The following AEBP2 variants were observed in gnomAD, a reference collection of about 807,000 sequenced individuals.
The protein encoded by AEBP2 is zinc finger protein AEBP2.
In AEBP2, 10 loss-of-function variants were observed where a neutral mutation model predicts 50.8. The ratio of observed to expected loss-of-function variants is 0.20; its 90% CI spans 0.12 to 0.33. AEBP2 has a LOEUF of 0.33. Ranked by LOEUF, AEBP2 falls within the 10% of genes least tolerant of loss-of-function variation. The probability of loss-of-function intolerance (pLI) is 1.00; values close to 1 mark genes in which losing one functional copy is unlikely to be tolerated. For missense variants in AEBP2, 570 were observed against 688.0 expected, an observed-to-expected ratio of 0.83 and a Z score of 1.92; for synonymous variants, 296 against 261.3, an observed-to-expected ratio of 1.13 and a Z score of -1.28.
chr12:19,497,575 C>G (rs1592769890), intron 4 of AEBP2, among the ~76,000 whole-genome samples: 1 of 151,998 alleles, frequency 6.6e-6, no homozygotes, highest in African/African-American at 2.4e-5. Context: ...CAGGTGCAAT[C>G]AATTCCCGTG....
Position 19,494,581 on chromosome 12 carries a change from G to T in AEBP2, c.1174+595G>T, listed in dbSNP as rs542815175. On this transcript the variant is annotated intron_variant, in intron 4 of 7. Transcript: ENST00000266508. ...CAATGGCGTGAGACAGGGTTTCACT[G>T]TGTTGGACGGGCTGGTCTCAAACTC... Among the ~76,000 whole-genome samples, 12 of 143,846 alleles carry T rather than the reference G, an allele frequency of 8.3e-5. No individual in the cohort carries two copies. The South Asian group carries it at 2.6e-3, about 31-fold the overall frequency. 94.4% of individuals were successfully genotyped at this position (143,846 alleles called of 152,430 possible). A position where few individuals can be genotyped will look rare whatever the true frequency, so the allele number is the denominator to read the frequency against.
In AEBP2 at chr12:19,483,681, A is replaced by T. The variant is rs544905841; in HGVS notation, c.988-10119A>T. Among the ~76,000 whole-genome samples, 193 of 152,282 alleles carry T rather than the reference A, an allele frequency of 1.3e-3. 2 individuals carry two copies. Among genetic ancestry groups the T allele is most frequent in the African/African-American group, 4.4e-3 (183 of 41,564 alleles). On this transcript the variant is annotated intron_variant, in intron 3 of 7. Transcript: ENST00000266508. ...TGCTGGGATCTTTTCATATCAGTTC[A>T]TAGTGAATAGTCTCATTTTTTCAGC...
At chr12:19,437,577 A>T (rs1476930620), upstream of AEBP2, among the ~76,000 whole-genome samples, 2 of 152,132 alleles carry the variant, frequency 1.3e-5, no homozygotes, top group Non-Finnish European at 2.9e-5. Flanking sequence ...TCCTGGGCTC[A>T]AGTGAGCCTC....
chr12:19,465,001 T>A (rs183304322), intron 2 of AEBP2, among the ~76,000 whole-genome samples: 15 of 152,254 alleles, frequency 9.9e-5, no homozygotes, highest in African/African-American at 2.9e-4. Context: ...GTCCCGTAAG[T>A]GTAATATTGA....
At chr12:19,489,865 C>A (rs1034987096) in intron 3 of AEBP2, among the ~76,000 whole-genome samples, 1 of 141,836 alleles carries the variant, frequency 7.1e-6, no homozygotes, top group Non-Finnish European at 1.5e-5. Context: ...CTAAATTTTA[C>A]TTCTGTTTTT....
Position 19,423,064 on chromosome 12 carries a change from C to CAAAAAAAAAAAAAAAAAAAAAAA in AEBP2, c.-17+18856_-17+18878dup, listed in dbSNP as rs751550689. On this transcript the variant is annotated intron_variant, in intron 1 of 3. Coordinates refer to the AEBP2 transcript ENST00000538425. Reference sequence around the variant, plus strand: ...TGGGTGACAGAGTGAGACTCTGTCTCAAAAAAAAAAAAAAAAAAAAAAAAA... The same window carrying CAAAAAAAAAAAAAAAAAAAAAAA: ...TGGGTGACAGAGTGAGACTCTGTCTCAAAAAAAAAAAAAAAAAAAAAAAAAAAAAAAAAAAAAAAAAAAAAAAA... Among the ~76,000 whole-genome samples the CAAAAAAAAAAAAAAAAAAAAAAA allele has an allele frequency of 8.6e-5, 3 of 35,036 alleles. 1 individual carries two copies. The highest frequency in any genetic ancestry group is 1.3e-4 in the Non-Finnish European group (3 of 23,414). The allele number at this position is 35,036 out of a possible 152,430, so 23.0% of individuals were successfully genotyped here.
At chr12:19,428,393 GC>G (rs1473942284) in intron 1 of AEBP2, among the ~76,000 whole-genome samples, 1 of 152,230 alleles carries the variant, frequency 6.6e-6, no homozygotes, top group Non-Finnish European at 1.5e-5. Context: ...GTGATGGTAT[GC>G]ATGGCTGAGG....
intron 3 of AEBP2, among the ~76,000 whole-genome samples, chr12:19,485,917 G>A (rs1307988289): frequency 1.4e-5 from 2 of 146,882 alleles, no homozygotes; most frequent in African/African-American, 5.0e-5. Context: ...GAGAGAGGAA[G>A]TGATAAGGTG....
At chr12:19,411,400 C>G (rs1359204977) in intron 1 of AEBP2, among the ~76,000 whole-genome samples, 1 of 152,116 alleles carries the variant, frequency 6.6e-6, no homozygotes, top group African/African-American at 2.4e-5. Context: ...ATGGGGAGAC[C>G]CAGCCTTGCC....
At chr12:19,420,512 CTAG>C (rs2042012330) in intron 1 of AEBP2, among the ~76,000 whole-genome samples, 1 of 150,064 alleles carries the variant, frequency 6.7e-6, no homozygotes, top group African/African-American at 2.5e-5. Context: ...TTTTCTATTT[CTAG>C]TAGAGACAGG....
chr12:19,454,943 T>C (rs1948240871), intron 1 of AEBP2, among the ~76,000 whole-genome samples: 2 of 152,098 alleles, frequency 1.3e-5, no homozygotes, highest in South Asian at 4.1e-4. Context: ...AGTATTCCCG[T>C]TTAGAAACAT....
rs577456762 is a variant in AEBP2, at chr12:19,463,790, C to T, written c.879+1073C>T. Among the ~76,000 whole-genome samples, 259 of 151,288 alleles carry T rather than the reference C, an allele frequency of 1.7e-3. 1 individual carries two copies. The highest frequency in any genetic ancestry group is 2.4e-3 in the Non-Finnish European group (166 of 67,878). ...AAGTGATTCTCCTGCCTCAGCCTCC[C>T]GAGTAGCTGGGATTACAGGTGCCCG... On this transcript the variant is annotated intron_variant, in intron 2 of 7. Transcript: ENST00000266508.
At chr12:19,436,252 G>C (rs372303224), upstream of AEBP2, among the ~76,000 whole-genome samples, 21 of 152,182 alleles carry the variant, frequency 1.4e-4, no homozygotes, top group East Asian at 7.7e-4. Flanking sequence ...GCCAATGTCG[G>C]GAAGTTACCC....
chr12:19,462,531 T>G lies in AEBP2; in HGVS notation c.693T>G (p.Asp231Glu). The change falls in exon 2 of 8, where the codon GAT becomes GAG. Residue 231 changes from aspartate to glutamate, a missense_variant. This residue lies in a region of AEBP2 where 184 missense variants were observed against 351.2 expected (regional missense o/e 0.52). Transcript: ENST00000266508. ...SEDSISSTIM[D>E]VDSTISSGRS... ...GTAGCATAAGCAGTACTATAATGGA[T>G]GTAGACAGCACAATTTCCAGTGGGC... 6.2e-7 allele frequency: 1 copy of G among 1,612,106 alleles called. No individual in the cohort carries two copies. The highest frequency in any genetic ancestry group is 8.5e-7 in the Non-Finnish European group (1 of 1,179,042).
At chr12:19,486,718 C>T (rs2120392946) in intron 3 of AEBP2, among the ~76,000 whole-genome samples, 1 of 152,278 alleles carries the variant, frequency 6.6e-6, no homozygotes, top group Non-Finnish European at 1.5e-5. Context: ...GCCCCATGGA[C>T]ATTCCTTTAC....
intron 1 of AEBP2, chr12:19,457,368 C>A: frequency 6.9e-7 from 1 of 1,444,038 alleles, no homozygotes; most frequent in Non-Finnish European, 9.5e-7. Context: ...GTCTCTGTGT[C>A]CTAGGGCATC....
At chr12:19,434,168 A>C (rs2095753032) in intron 1 of AEBP2, among the ~76,000 whole-genome samples, 1 of 148,998 alleles carries the variant, frequency 6.7e-6, no homozygotes, top group African/African-American at 2.5e-5. Flanking sequence ...TTATTGTTAG[A>C]TTAGTAATTT....
chr12:19,456,300 G>A, intron 1 of AEBP2: 3 of 1,516,808 alleles, frequency 2.0e-6, no homozygotes, highest in Non-Finnish European at 2.7e-6. Flanking sequence ...AGCTCCAGCA[G>A]CCTTCTTGTT....
intron 2 of AEBP2, among the ~76,000 whole-genome samples, 165 bp downstream of exon 2, chr12:19,462,882 T>C (rs1948403162): frequency 6.6e-6 from 1 of 152,208 alleles, no homozygotes; most frequent in Admixed American, 6.5e-5. Flanking sequence ...CTTGATAGAA[T>C]CAAATAAAAA....
Sources: gnomAD v4.1 joint callset for allele counts (sites outside exome capture counted in the v4.1 genomes callset) on GRCh38, gnomAD v4.1.1 for gene constraint, gnomAD v4.1.1 regional missense constraint, MANE v1.5 for transcripts, NCBI Gene and HGNC (gene_info 2026-07-23, HGNC 2026-07-21) for gene names.